The following ZCCHC14 variants were observed in gnomAD, a reference collection of about 807,000 sequenced individuals.
The protein encoded by ZCCHC14 is zinc finger CCHC-type containing 14.
ZCCHC14 carries 16 observed loss-of-function variants against 85.0 expected under a neutral mutation model. The ratio of observed to expected loss-of-function variants is 0.19; its 90% CI spans 0.13 to 0.29. The LOEUF is 0.29. Among genes scored for constraint, ZCCHC14 ranks in the 10% least tolerant of loss-of-function variants. The pLI, the probability that ZCCHC14 is intolerant of heterozygous loss-of-function variation, is 1.00. For missense variants in ZCCHC14, 1,303 were observed against 1,443.5 expected, an observed-to-expected ratio of 0.90 and a Z score of 1.58; for synonymous variants, 775 against 630.7, an observed-to-expected ratio of 1.23 and a Z score of -3.43.
At chr16:87,422,140 C>T (rs1276238514) in intron 4 of ZCCHC14, among the ~76,000 whole-genome samples, 1 of 152,156 alleles carries the variant, frequency 6.6e-6, no homozygotes, top group Non-Finnish European at 1.5e-5. Flanking sequence ...ATGGAAACTT[C>T]ATGAACACGT....
intron 9 of ZCCHC14, among the ~76,000 whole-genome samples, chr16:87,414,969 G>C (rs559117874): frequency 6.6e-6 from 1 of 152,102 alleles, no homozygotes; most frequent in African/African-American, 2.4e-5. Flanking sequence ...GTAATCCCAG[G>C]TACTTGGGAG....
intron 1 of ZCCHC14, chr16:87,467,565 C>T: frequency 1.3e-6 from 2 of 1,550,888 alleles, no homozygotes; most frequent in Non-Finnish European, 1.8e-6. Context: ...CCCACCAATT[C>T]CCGTTGGTTC....
At chr16:87,437,335 CT>C (rs1330651958) in intron 2 of ZCCHC14, among the ~76,000 whole-genome samples, 1,439 of 49,646 alleles carry the variant, frequency 0.029, 11 homozygotes, top group Middle Eastern at 0.09. Flanking sequence ...GAAATTCCAT[CT>C]CAAAAAAAAA....
chr16:87,416,510 C>G (rs112882618), intron 8 of ZCCHC14, among the ~76,000 whole-genome samples: 1 of 152,074 alleles, frequency 6.6e-6, no homozygotes, highest in Non-Finnish European at 1.5e-5. Flanking sequence ...GTAATCCCAG[C>G]ACTTTGGGAG....
intron 2 of ZCCHC14, among the ~76,000 whole-genome samples, chr16:87,449,300 G>A (rs1197495082): frequency 6.6e-6 from 1 of 151,978 alleles, no homozygotes; most frequent in Admixed American, 6.6e-5. Flanking sequence ...AAAACAATTG[G>A]GCACACTTTA....
intron 7 of ZCCHC14, chr16:87,417,956 C>G: frequency 1.7e-6 from 1 of 592,494 alleles, no homozygotes; most frequent in Non-Finnish European, 2.9e-6. Flanking sequence ...TAATGCATGT[C>G]TGTGCACACG....
At position 87,413,073 on chromosome 16, in the gene ZCCHC14, C is replaced by A. The variant is rs771971133; in HGVS notation, c.1726G>T (p.Ala576Ser). ...CCCTTACGTCTGTCATTCTCCTCAG[C>A]GCTGTCGGAGCTCTCTTCCCGGGCC... ...VQAREESSDS[A>S]EENDRRVEIH... The change falls in exon 11 of 13, where the codon GCT becomes TCT. Residue 576 changes from alanine to serine, a missense_variant. Physicochemically the swap from Ala to Ser is moderately conservative, Grantham distance 99. Transcript: ENST00000671377. The A allele has an allele frequency of 4.3e-6, 7 of 1,614,156 alleles. No individual in the cohort carries two copies. The highest frequency in any genetic ancestry group is 5.9e-6 in the Non-Finnish European group (7 of 1,180,026).
chr16:87,411,225 G>A (rs921629348), intron 12 of ZCCHC14, among the ~76,000 whole-genome samples: 1 of 152,136 alleles, frequency 6.6e-6, no homozygotes, highest in Non-Finnish European at 1.5e-5. Flanking sequence ...TCCCTCACAC[G>A]TGCCTCTCTG....
intron 12 of ZCCHC14, 50 bp from the exon 13 acceptor site, chr16:87,410,385 C>T (rs758127015): frequency 1.3e-6 from 1 of 749,018 alleles, no homozygotes; most frequent in Non-Finnish European, 2.5e-6. Flanking sequence ...GTAGAATCAC[C>T]ACCAACCACC....
intron 1 of ZCCHC14, among the ~76,000 whole-genome samples, chr16:87,469,053 T>C (rs1029489617): frequency 1.3e-5 from 2 of 152,168 alleles, no homozygotes; most frequent in African/African-American, 4.8e-5. Flanking sequence ...TGAGAGACCA[T>C]GGAGAATAAA....
At chr16:87,425,614 G>T (rs1317591510) in intron 3 of ZCCHC14, among the ~76,000 whole-genome samples, 1 of 151,478 alleles carries the variant, frequency 6.6e-6, no homozygotes, top group Non-Finnish European at 1.5e-5. Flanking sequence ...GAAAAGAAAA[G>T]AAAATGTTTG....
intron 1 of ZCCHC14, among the ~76,000 whole-genome samples, chr16:87,483,265 C>G (rs534377228): frequency 7.7e-6 from 1 of 129,978 alleles, no homozygotes; most frequent in South Asian, 2.5e-4. Context: ...TGAGACCAGC[C>G]TGGTCAACAT....
At chr16:87,455,389 A>G (rs1042659148) in intron 2 of ZCCHC14, among the ~76,000 whole-genome samples, 2 of 152,176 alleles carry the variant, frequency 1.3e-5, no homozygotes, top group African/African-American at 4.8e-5. Flanking sequence ...CAGTGACAAG[A>G]GGCTTCTGTG....
At chr16:87,439,460 G>A (rs1468180323) in intron 2 of ZCCHC14, among the ~76,000 whole-genome samples, 1 of 152,150 alleles carries the variant, frequency 6.6e-6, no homozygotes, top group Non-Finnish European at 1.5e-5. Flanking sequence ...ACTTTGCTAA[G>A]CAGTCTCCCC....
chr16:87,447,969 G>A (rs773109040), intron 2 of ZCCHC14, among the ~76,000 whole-genome samples: 3 of 152,018 alleles, frequency 2.0e-5, no homozygotes, highest in Non-Finnish European at 4.4e-5. Context: ...GACATCCCTG[G>A]ACAATCTGTG....
At chr16:87,468,792 T>G (rs1275421369) in intron 1 of ZCCHC14, among the ~76,000 whole-genome samples, 1 of 152,150 alleles carries the variant, frequency 6.6e-6, no homozygotes, top group East Asian at 1.9e-4. Flanking sequence ...CTGTTAAACA[T>G]CCTGCAGAGC....
At chr16:87,476,807 G>A (rs1184820995) in intron 1 of ZCCHC14, among the ~76,000 whole-genome samples, 3 of 151,872 alleles carry the variant, frequency 2.0e-5, no homozygotes, top group African/African-American at 4.8e-5. Context: ...GCACAAACCC[G>A]CATCAAGGCT....
At chr16:87,422,697 C>T (rs949519431) in intron 4 of ZCCHC14, among the ~76,000 whole-genome samples, 3 of 151,742 alleles carry the variant, frequency 2.0e-5, no homozygotes, top group Non-Finnish European at 4.4e-5. Flanking sequence ...GATCATACCA[C>T]TGCACTCCAG....
intron 1 of ZCCHC14, among the ~76,000 whole-genome samples, chr16:87,489,343 T>C (rs1912648764): frequency 1.3e-5 from 2 of 152,244 alleles, no homozygotes; most frequent in African/African-American, 2.4e-5. Flanking sequence ...AACAAAAAAA[T>C]TGTCAGCTCC....
Sources: allele counts gnomAD v4.1 joint callset (sites outside exome capture counted in the v4.1 genomes callset), GRCh38; gene constraint gnomAD v4.1.1; transcripts MANE v1.5; gene names NCBI Gene and HGNC (gene_info 2026-07-23, HGNC 2026-07-21).